The following NCALD variants were observed in gnomAD, a reference collection of about 807,000 sequenced individuals.
The protein encoded by NCALD is neurocalcin-delta.
A neutral mutation model predicts 18.6 loss-of-function variants in NCALD; 10 were observed. The observed-to-expected ratio is 0.54, with a 90% CI of 0.33 to 0.91. The LOEUF (loss-of-function observed/expected upper bound fraction) is 0.91. Among genes scored for constraint, NCALD ranks in the 40% least tolerant of loss-of-function variants. The pLI is 0.03. For synonymous variants in NCALD, 88 were observed against 87.4 expected (o/e 1.01, Z -0.04); for missense variants, 184 against 247.6 (o/e 0.74, Z 1.72).
At chr8:102,025,840 ATAAGGAC>A (rs1434115155) in intron 1 of NCALD, among the ~76,000 whole-genome samples, 3 of 152,198 alleles carry the variant, frequency 2.0e-5, no homozygotes, top group Non-Finnish European at 4.4e-5. Flanking sequence ...TGACACTGCT[ATAAGGAC>A]ATACTTGAGA....
At chr8:101,794,555 AG>A (rs1215148748), upstream of NCALD, among the ~76,000 whole-genome samples, 4 of 152,246 alleles carry the variant, frequency 2.6e-5, no homozygotes, top group Admixed American at 2.0e-4. Context: ...AGTACATGTA[AG>A]TTATATGTGG....
At chr8:101,864,548 A>G (rs1815680570) in intron 4 of NCALD, among the ~76,000 whole-genome samples, 1 of 151,710 alleles carries the variant, frequency 6.6e-6, no homozygotes, top group Non-Finnish European at 1.5e-5. Context: ...AAGAAAAGCC[A>G]TATTTTATAT....
chr8:102,046,400 C>A (rs191770756), intron 1 of NCALD, among the ~76,000 whole-genome samples: 1 of 152,330 alleles, frequency 6.6e-6, no homozygotes, highest in Non-Finnish European at 1.5e-5. Flanking sequence ...AATAGCAATG[C>A]ATTTCACTGC....
In NCALD at chr8:101,997,099, C is replaced by T. The variant is rs573162171; in HGVS notation, c.-157+23138G>A. On this transcript the variant is annotated intron_variant, in intron 2 of 6. Coordinates refer to the NCALD transcript ENST00000311028. ...CACAAGCCATGATAGACAGATTTGG[C>T]TTTTTAAGCTTTGCTCAAAATTTCC... is the stretch of plus-strand genomic sequence containing the variant. 3.2e-4 allele frequency among the ~76,000 whole-genome samples: 49 copies of T among 152,304 alleles called. 1 individual carries two copies. Among genetic ancestry groups the T allele is most frequent in the Admixed American group, 1.8e-3 (27 of 15,298 alleles).
chr8:102,081,545 T>TAA lies in NCALD; in HGVS notation c.-210+42690_-210+42691dup, dbSNP rs770307937. 3.6e-3 allele frequency among the ~76,000 whole-genome samples: 244 copies of TAA among 68,604 alleles called. 2 individuals carry two copies. Among genetic ancestry groups the TAA allele is most frequent in the Admixed American group, 6.7e-3 (44 of 6,526 alleles). The allele number at this position is 68,604 out of a possible 152,430, so 45.0% of individuals were successfully genotyped here. On this transcript the variant is annotated intron_variant, in intron 1 of 6. Transcript: ENST00000311028. ...AAGTCAAGGAGAATTCAAATAATGG[T>TAA]AAAAAAAAAAAAAAAAAAAAAAAAA...
At chr8:101,841,217 G>A (rs1814630037) in intron 4 of NCALD, among the ~76,000 whole-genome samples, 1 of 152,164 alleles carries the variant, frequency 6.6e-6, no homozygotes, top group South Asian at 2.1e-4. Context: ...GGGCTGGTTG[G>A]CCAATGTAAT....
chr8:101,772,807 G>C (rs1811638445), intron 1 of NCALD, among the ~76,000 whole-genome samples: 1 of 152,050 alleles, frequency 6.6e-6, no homozygotes, highest in African/African-American at 2.4e-5. Context: ...GACAACATTT[G>C]GTTCACCATC....
chr8:101,925,243 C>T (rs978802668), intron 2 of NCALD, among the ~76,000 whole-genome samples: 3 of 152,088 alleles, frequency 2.0e-5, no homozygotes, highest in Admixed American at 6.5e-5. Context: ...TGGCTGGGTG[C>T]CTCACATGCA....
intron 1 of NCALD, among the ~76,000 whole-genome samples, chr8:102,044,898 C>A (rs993474812): frequency 2.6e-5 from 4 of 152,136 alleles, no homozygotes; most frequent in Non-Finnish European, 5.9e-5. Context: ...AGCAGGACCA[C>A]TAGGTGGAAT....
At chr8:101,875,157 T>C (rs1387800831) in intron 4 of NCALD, among the ~76,000 whole-genome samples, 1 of 152,222 alleles carries the variant, frequency 6.6e-6, no homozygotes, top group African/African-American at 2.4e-5. Context: ...ACACAAGTAC[T>C]ATTATTTTTC....
chr8:101,939,274 CTA>C (rs1818868594), intron 2 of NCALD, among the ~76,000 whole-genome samples: 1 of 152,182 alleles, frequency 6.6e-6, no homozygotes, highest in Non-Finnish European at 1.5e-5. Flanking sequence ...ATTCAATGCT[CTA>C]TTTTTTCAAT....
rs193214181 is a variant in NCALD at position 102,066,109 on chromosome 8, A to T, written c.-209-45820T>A. On this transcript the variant is annotated intron_variant, in intron 1 of 6. Transcript: ENST00000311028. ...ATTTCTTCATTCCCCACTTCCCCGG[A>T]AGGTGAGGCCAGTCAATACCGAACT... Among the ~76,000 whole-genome samples the T allele has an allele frequency of 4.1e-3, 623 of 152,270 alleles. 4 individuals are homozygous for T. Among genetic ancestry groups the T allele is most frequent in the Non-Finnish European group, 4.1e-3 (279 of 68,014 alleles).
chr8:101,719,702 C>T, intron 1 of NCALD, 54 bp from the exon 2 acceptor site: 4 of 1,439,920 alleles, frequency 2.8e-6, no homozygotes, highest in Non-Finnish European at 3.7e-6. Flanking sequence ...TTTAGGGCTG[C>T]ATTTTATAAT....
At chr8:101,867,353 A>G (rs1416099619) in intron 4 of NCALD, among the ~76,000 whole-genome samples, 2 of 152,240 alleles carry the variant, frequency 1.3e-5, no homozygotes, top group Non-Finnish European at 2.9e-5. Context: ...CCATAAGGAC[A>G]TGGTTGCCTC....
At chr8:102,063,189 A>T (rs1823901430) in intron 1 of NCALD, among the ~76,000 whole-genome samples, 1 of 152,186 alleles carries the variant, frequency 6.6e-6, no homozygotes, top group South Asian at 2.1e-4. Context: ...TGCTGCTTTC[A>T]ATTTGAATAC....
At chr8:102,054,779 T>TGATAGATAA (rs1823590544) in intron 1 of NCALD, among the ~76,000 whole-genome samples, 2 of 152,184 alleles carry the variant, frequency 1.3e-5, no homozygotes. Context: ...AGATGATAGA[T>TGATAGATAA]GATAGATAAG....
At chr8:101,733,376 C>T (rs1440099391) in intron 1 of NCALD, among the ~76,000 whole-genome samples, 2 of 152,146 alleles carry the variant, frequency 1.3e-5, no homozygotes, top group African/African-American at 4.8e-5. Context: ...AAATATGGTG[C>T]TGTGTTATGT....
At chr8:101,904,543 C>T (rs1284930583) in intron 3 of NCALD, among the ~76,000 whole-genome samples, 1 of 152,132 alleles carries the variant, frequency 6.6e-6, no homozygotes, top group Non-Finnish European at 1.5e-5. Flanking sequence ...ACCACCACCC[C>T]TCTTACATCT....
chr8:101,819,321 A>C (rs888205878), intron 4 of NCALD, among the ~76,000 whole-genome samples: 1 of 151,192 alleles, frequency 6.6e-6, no homozygotes, highest in African/African-American at 2.4e-5. Flanking sequence ...TAGTTTAATA[A>C]ATGCCAAATA....
Sources: allele counts gnomAD v4.1 joint callset (sites outside exome capture counted in the v4.1 genomes callset), GRCh38; gene constraint gnomAD v4.1.1; transcripts MANE v1.5; gene names NCBI Gene and HGNC (gene_info 2026-07-23, HGNC 2026-07-21).